WSCD2: variants seen among roughly 807,000 people sequenced by gnomAD.
WSCD2 encodes sialate:O-sulfotransferase 2.
WSCD2 carries 28 observed loss-of-function variants against 55.7 expected under a neutral mutation model. That is an observed-to-expected ratio of 0.50 (90% confidence interval 0.37 to 0.69). The LOEUF (loss-of-function observed/expected upper bound fraction) is 0.69, where lower values mean the gene tolerates loss of function less well. Among genes scored for constraint, WSCD2 ranks in the 30% least tolerant of loss-of-function variants. The probability of loss-of-function intolerance (pLI) is 0.00; values close to 1 mark genes in which losing one functional copy is unlikely to be tolerated. For missense variants in WSCD2, 616 were observed against 762.1 expected, an observed-to-expected ratio of 0.81 and a Z score of 2.26; for synonymous variants, 301 against 301.9, an observed-to-expected ratio of 1.00 and a Z score of 0.03.
intron 7 of WSCD2, among the ~76,000 whole-genome samples, chr12:108,233,969 C>A (rs1318641237): frequency 3.9e-5 from 6 of 152,186 alleles, no homozygotes; most frequent in African/African-American, 7.2e-5. Context: ...GTACCTACCT[C>A]TCTCATCCTG....
intron 7 of WSCD2, among the ~76,000 whole-genome samples, chr12:108,237,188 T>C (rs1889339174): frequency 6.6e-6 from 1 of 152,226 alleles, no homozygotes. Context: ...AGATGTGCAG[T>C]ATCTGCCACT....
intron 1 of WSCD2, among the ~76,000 whole-genome samples, chr12:108,138,775 A>G (rs952527050): frequency 2.0e-5 from 3 of 152,106 alleles, no homozygotes; most frequent in Non-Finnish European, 4.4e-5. Flanking sequence ...TTATTTAGTG[A>G]TTTGCTTGAT....
At chr12:108,175,743 G>A (rs1565934810) in intron 1 of WSCD2, among the ~76,000 whole-genome samples, 1 of 152,212 alleles carries the variant, frequency 6.6e-6, no homozygotes, top group East Asian at 1.9e-4. Flanking sequence ...GTGAGCAGGC[G>A]TTAATCCTCT....
chr12:108,230,915 G>A (rs1888675907), intron 6 of WSCD2, among the ~76,000 whole-genome samples: 1 of 152,198 alleles, frequency 6.6e-6, no homozygotes, highest in Non-Finnish European at 1.5e-5. Context: ...AAGGAATGTG[G>A]ACAACTCTGC....
At chr12:108,168,722 T>C (rs1879918604) in intron 1 of WSCD2, among the ~76,000 whole-genome samples, 1 of 152,222 alleles carries the variant, frequency 6.6e-6, no homozygotes, top group Non-Finnish European at 1.5e-5. Flanking sequence ...AGAATGGTTC[T>C]GAAATCCAAG....
At position 108,184,235 on chromosome 12, in the gene WSCD2, C is replaced by T. The variant is rs536372753; in HGVS notation, c.-551-11047C>T. ...GGTGCTGGCAACCCCTCCAAGGGCA[C>T]AAGGTTCTCCGGGACAGGGGAAGAG... On this transcript the variant is annotated intron_variant, in intron 1 of 8. Coordinates refer to ENST00000547525, the MANE Select transcript of WSCD2 (RefSeq NM_014653.4). Among the ~76,000 whole-genome samples the T allele has an allele frequency of 9.3e-4, 141 of 152,256 alleles. 1 individual carries two copies. The highest frequency in any genetic ancestry group is 3.3e-3 in the African/African-American group (138 of 41,544).
chr12:108,217,863 C>A (rs182692662), intron 4 of WSCD2, among the ~76,000 whole-genome samples: 1 of 152,176 alleles, frequency 6.6e-6, no homozygotes, highest in Admixed American at 6.5e-5. Context: ...GTTTAGCCCT[C>A]CTCTCTAAGC....
intron 1 of WSCD2, among the ~76,000 whole-genome samples, chr12:108,154,802 C>T (rs1322665951): frequency 6.6e-6 from 1 of 152,134 alleles, no homozygotes; most frequent in Non-Finnish European, 1.5e-5. Context: ...TTTCATGAAT[C>T]CAAATGAACT....
At chr12:108,187,553 G>T (rs746912682) in intron 1 of WSCD2, among the ~76,000 whole-genome samples, 4 of 152,188 alleles carry the variant, frequency 2.6e-5, no homozygotes, top group Non-Finnish European at 5.9e-5. Flanking sequence ...TAACTTCTCT[G>T]ATTTCCTAAT....
intron 4 of WSCD2, among the ~76,000 whole-genome samples, chr12:108,223,839 C>A (rs1360248796): frequency 3.9e-5 from 6 of 152,204 alleles, no homozygotes; most frequent in Admixed American, 3.9e-4. Context: ...AAGCCAGCCC[C>A]CTTTCCTTAA....
intron 1 of WSCD2, among the ~76,000 whole-genome samples, chr12:108,147,476 G>A (rs184324776): frequency 8.7e-4 from 133 of 152,334 alleles, no homozygotes; most frequent in African/African-American, 3.2e-3. Flanking sequence ...CTGCTGTGTA[G>A]GGAACAGGGG....
chr12:108,140,109 G>T (rs919944043), intron 1 of WSCD2, among the ~76,000 whole-genome samples: 8 of 152,172 alleles, frequency 5.3e-5, no homozygotes, highest in African/African-American at 1.9e-4. Flanking sequence ...TAGAATGATG[G>T]CATCATCCCG....
At chr12:108,130,927 G>A (rs2136841882) in intron 1 of WSCD2, among the ~76,000 whole-genome samples, 1 of 152,258 alleles carries the variant, frequency 6.6e-6, no homozygotes, top group Middle Eastern at 3.4e-3. Context: ...CATGCTCCAA[G>A]GAGATCACCT....
chr12:108,136,165 G>A (rs1315993023), intron 1 of WSCD2, among the ~76,000 whole-genome samples: 1 of 152,200 alleles, frequency 6.6e-6, no homozygotes, highest in African/African-American at 2.4e-5. Flanking sequence ...CTGTGAGCTG[G>A]AGAATTCTTA....
intron 1 of WSCD2, among the ~76,000 whole-genome samples, chr12:108,173,747 C>A (rs986021129): frequency 6.6e-6 from 1 of 151,190 alleles, no homozygotes; most frequent in Non-Finnish European, 1.5e-5. Context: ...CACACACAGT[C>A]GGCCTTTATT....
Position 108,240,519 on chromosome 12 carries a change from T to G in WSCD2, c.1320T>G (p.Ala440=), listed in dbSNP as rs772698442. 1 of 1,380,356 alleles carries G rather than the reference T, an allele frequency of 7.2e-7. No individual in the cohort carries two copies. Among genetic ancestry groups the G allele is most frequent in the Non-Finnish European group, 9.7e-7 (1 of 1,035,544 alleles). The allele number at this position is 1,380,356 out of a possible 1,614,324, so 85.5% of individuals were successfully genotyped here. Residue 440 remains alanine, a synonymous_variant, in exon 8 of 9, where the codon GCT becomes GCG. Coordinates refer to ENST00000547525, the MANE Select transcript of WSCD2 (RefSeq NM_014653.4). ...NRKYGGHIGF[A]AHAHWKGKEW... is the part of the protein sequence containing the mutation. ...AGTACGGCGGCCACATAGGCTTTGC[T>G]GCGCATGCCCACTGGAAGGGCAAAG...
chr12:108,140,041 G>A (rs1263157730), intron 1 of WSCD2, among the ~76,000 whole-genome samples: 7 of 152,130 alleles, frequency 4.6e-5, no homozygotes, highest in Non-Finnish European at 7.3e-5. Flanking sequence ...TGAAGATGAC[G>A]TGACCTTATG....
At chr12:108,232,953 A>C (rs1888930021) in intron 7 of WSCD2, 58 bp downstream of exon 7, 7 of 1,586,262 alleles carry the variant, frequency 4.4e-6, no homozygotes, top group Non-Finnish European at 6.0e-6. Context: ...GAAGGTCCCC[A>C]CTTGGAGGGT....
At chr12:108,144,726 A>G (rs1877210916) in intron 1 of WSCD2, among the ~76,000 whole-genome samples, 1 of 152,120 alleles carries the variant, frequency 6.6e-6, no homozygotes, top group South Asian at 2.1e-4. Flanking sequence ...GGTGAAAGGG[A>G]GTGAGATAAT....
Sources: gnomAD v4.1 joint callset for allele counts (sites outside exome capture counted in the v4.1 genomes callset) on GRCh38, gnomAD v4.1.1 for gene constraint, MANE v1.5 for transcripts, NCBI Gene and HGNC (gene_info 2026-07-23, HGNC 2026-07-21) for gene names.